UACA: variants seen among roughly 807,000 people sequenced by gnomAD.
UACA encodes the protein uveal autoantigen with coiled-coil domains and ankyrin repeats.
UACA carries 112 observed loss-of-function variants against 160.5 expected under a neutral mutation model. That is an observed-to-expected ratio of 0.70 (90% CI 0.60 to 0.82). The LOEUF is 0.82. UACA is among the 40% of genes least tolerant of loss of function. The probability of loss-of-function intolerance (pLI) is 0.00; values close to 1 mark genes in which losing one functional copy is unlikely to be tolerated. For synonymous variants in UACA, 557 were observed against 568.4 expected, an observed-to-expected ratio of 0.98 and a Z score of 0.29; for missense variants, 1,574 against 1,614.6, an observed-to-expected ratio of 0.97 and a Z score of 0.43.
chr15:70,677,510 C>A (rs1015556145), intron 11 of UACA, among the ~76,000 whole-genome samples: 2 of 152,028 alleles, frequency 1.3e-5, no homozygotes, highest in African/African-American at 4.8e-5. Flanking sequence ...TAAAGTGATA[C>A]GGAAAATTAG....
intron 1 of UACA, among the ~76,000 whole-genome samples, chr15:70,744,088 C>CA (rs1177353712): frequency 6.6e-6 from 1 of 151,438 alleles, no homozygotes; most frequent in African/African-American, 2.4e-5. Flanking sequence ...ACTAAAAATA[C>CA]AAAAAAAGTA....
rs1434036240 is a variant in UACA at position 70,664,825 on chromosome 15, ATGT to A, written c.3961-14_3961-12del. ...AAGCAGTTCAGTTATCTTTAAAAAA[ATGT>A]TGTAGGAGAAATATATTATTCACTT... On this transcript the variant is annotated splice_polypyrimidine_tract_variant and intron_variant, in intron 16 of 18. Coordinates refer to ENST00000322954, the MANE Select transcript of UACA (RefSeq NM_018003.4). 2.5e-6 allele frequency: 4 copies of A among 1,606,318 alleles called. No homozygotes were observed. Among genetic ancestry groups the A allele is most frequent in the Non-Finnish European group, 3.4e-6 (4 of 1,176,540 alleles).
At chr15:70,757,861 T>C (rs2141017469) in intron 1 of UACA, among the ~76,000 whole-genome samples, 1 of 152,284 alleles carries the variant, frequency 6.6e-6, no homozygotes, top group South Asian at 2.1e-4. Context: ...CTCTTTACAC[T>C]CCAGCATGAC....
chr15:70,738,232 T>C (rs1899427500), intron 1 of UACA, among the ~76,000 whole-genome samples: 1 of 151,992 alleles, frequency 6.6e-6, no homozygotes, highest in Admixed American at 6.6e-5. Context: ...TTCTGCATCC[T>C]GGACTATTAT....
At position 70,668,438 on chromosome 15, in the gene UACA, AC is replaced by A; in HGVS notation, c.2245del (p.Val749Ter). On this transcript the variant is annotated frameshift_variant, in exon 16 of 19. Coordinates refer to ENST00000322954, the MANE Select transcript of UACA (RefSeq NM_018003.4). LOFTEE classifies it high-confidence loss of function. ...EMKNHYVPLKVSEDMKKSHDA... is the reference protein window; with the variant it reads ...EMKNHYVPLKXSEDMKKSHDA... ...ATGTGACTTTTTCATGTCTTCACTT[AC>A]TTTTAAAGGAACATAATGATTTTTC... The A allele has an allele frequency of 6.2e-7, 1 of 1,612,184 alleles. No homozygotes were observed. The highest frequency in any genetic ancestry group is 8.5e-7 in the Non-Finnish European group (1 of 1,179,822).
At chr15:70,764,367 C>A (rs996138912), upstream of UACA, among the ~76,000 whole-genome samples, 2 of 152,166 alleles carry the variant, frequency 1.3e-5, no homozygotes, top group Non-Finnish European at 2.9e-5. Flanking sequence ...GAAGTTAAAT[C>A]ATCTTACCTA....
chr15:70,684,215 G>C (rs1897620563), intron 8 of UACA, 50 bp downstream of exon 8: 1 of 1,501,522 alleles, frequency 6.7e-7, no homozygotes. Context: ...CTTTTAAAAA[G>C]TGGCTCTTTG....
At chr15:70,661,227 A>C (rs747041555) in intron 17 of UACA, 1 of 152,100 alleles carries the variant, frequency 6.6e-6, no homozygotes, top group Non-Finnish European at 1.5e-5. Flanking sequence ...CTTCTACCAC[A>C]CCACTAATCT....
the UACA span, among the ~76,000 whole-genome samples, chr15:70,778,476 G>A: frequency 6.6e-6 from 1 of 152,124 alleles, no homozygotes; most frequent in South Asian, 2.1e-4. Context: ...TCCAAAATCA[G>A]CATCCTTCCA....
the UACA span, among the ~76,000 whole-genome samples, chr15:70,772,341 A>C: frequency 6.6e-6 from 1 of 151,924 alleles, no homozygotes; most frequent in Non-Finnish European, 1.5e-5. Context: ...AAAATACAAA[A>C]AATTAGCCAG....
upstream of UACA, chr15:70,768,243 G>C (rs1321603256): frequency 2.6e-5 from 4 of 152,188 alleles, no homozygotes; most frequent in East Asian, 5.8e-4. Flanking sequence ...TTTAGCTATA[G>C]CAATCTTGAG....
intron 1 of UACA, chr15:70,749,307 A>G: frequency 2.8e-6 from 1 of 361,694 alleles, no homozygotes. Context: ...TGGGCGGATC[A>G]CCAGGTCAGG....
intron 1 of UACA, among the ~76,000 whole-genome samples, chr15:70,719,516 T>C (rs900709060): frequency 2.6e-5 from 4 of 152,224 alleles, no homozygotes; most frequent in Admixed American, 1.3e-4. Flanking sequence ...GTTGAGGATG[T>C]AGCTACTGGC....
chr15:70,672,475 T>C (rs950852244), intron 13 of UACA, among the ~76,000 whole-genome samples: 10 of 151,896 alleles, frequency 6.6e-5, no homozygotes, highest in Admixed American at 2.6e-4. Flanking sequence ...ACTTTGAAAG[T>C]AAAAAGAGAG....
chr15:70,698,743 T>A (rs987539928), intron 2 of UACA, among the ~76,000 whole-genome samples: 2 of 152,134 alleles, frequency 1.3e-5, no homozygotes, highest in Admixed American at 6.6e-5. Context: ...GAAATGAGAC[T>A]TTTCACCTCT....
chr15:70,706,237 T>TA (rs955007776), intron 1 of UACA, among the ~76,000 whole-genome samples: 3 of 151,884 alleles, frequency 2.0e-5, no homozygotes, highest in Non-Finnish European at 4.4e-5. Context: ...CCTTTCATGG[T>TA]AAAAATACCC....
At position 70,667,554 on chromosome 15, in the gene UACA, A is replaced by C; in HGVS notation, c.3130T>G (p.Leu1044Val). 1 of 1,612,798 alleles carries C rather than the reference A, an allele frequency of 6.2e-7. No homozygotes were observed. Among genetic ancestry groups the C allele is most frequent in the East Asian group, 2.2e-5 (1 of 44,856 alleles). ...TCAATGAGAACTGTCTTATCTCTCA[A>C]ATCTTTCTGAAGGGTAAAAATCTCC... ...KKEIFTLQKD[L>V]RDKTVLIEKS... The change falls in exon 16 of 19, where the codon TTG becomes GTG. Residue 1044 changes from leucine to valine, a missense_variant. Coordinates refer to ENST00000322954, the MANE Select transcript of UACA (RefSeq NM_018003.4).
rs1049124507 is a variant in UACA, at chr15:70,763,489, G to C, written c.-82C>G. 1 of 1,258,672 alleles carries C rather than the reference G, an allele frequency of 7.9e-7. No individual in the cohort carries two copies. The highest frequency in any genetic ancestry group is 1.0e-6 in the Non-Finnish European group (1 of 994,522). The allele number at this position is 1,258,672 out of a possible 1,614,324, so 78.0% of individuals were successfully genotyped here. A position where few individuals can be genotyped will look rare whatever the true frequency, so the allele number is the denominator to read the frequency against. ...CAAGGAGTAGACGGCAGCGGCTGCA[G>C]CAGAGGCGGCGCGGGCTGTACCAGC... On this transcript the variant is annotated 5_prime_UTR_variant, in exon 1 of 19. Transcript: ENST00000322954.
At chr15:70,746,069 C>A (rs758800601) in intron 1 of UACA, among the ~76,000 whole-genome samples, 7 of 152,090 alleles carry the variant, frequency 4.6e-5, no homozygotes, top group Non-Finnish European at 8.8e-5. Context: ...AAGATATAGG[C>A]ATGGGAAAAG....
Sources: allele counts gnomAD v4.1 joint callset (sites outside exome capture counted in the v4.1 genomes callset), GRCh38; gene constraint gnomAD v4.1.1; transcripts MANE v1.5; gene names NCBI Gene and HGNC (gene_info 2026-07-23, HGNC 2026-07-21).